FAM135B: variants seen among roughly 807,000 people sequenced by gnomAD.
FAM135B encodes family with sequence similarity 135 member B.
A neutral mutation model predicts 127.7 loss-of-function variants in FAM135B; 43 were observed. The ratio of observed to expected loss-of-function variants is 0.34; its 90% CI spans 0.26 to 0.43. The LOEUF (loss-of-function observed/expected upper bound fraction) is 0.43, where lower values mean the gene tolerates loss of function less well. Ranked by LOEUF, FAM135B falls within the 20% of genes least tolerant of loss-of-function variation. FAM135B has a pLI of 1.00. For synonymous variants in FAM135B, 670 were observed against 665.1 expected (o/e 1.01, Z -0.11); for missense variants, 1,558 against 1,725.6 (o/e 0.90, Z 1.72).
At chr8:138,370,408 T>C (rs1397851331) in intron 1 of FAM135B, among the ~76,000 whole-genome samples, 1 of 152,110 alleles carries the variant, frequency 6.6e-6, no homozygotes, top group Non-Finnish European at 1.5e-5. Context: ...CATAATGCAG[T>C]GAGGAAGATG....
chr8:138,345,831 T>C (rs563854456), intron 2 of FAM135B, among the ~76,000 whole-genome samples: 2 of 152,348 alleles, frequency 1.3e-5, no homozygotes, highest in East Asian at 3.9e-4. Context: ...CTGCCTCAGT[T>C]TCTCCATCTG....
chr8:138,306,247 C>A (rs1826246516), intron 3 of FAM135B, among the ~76,000 whole-genome samples: 1 of 151,812 alleles, frequency 6.6e-6, no homozygotes, highest in African/African-American at 2.4e-5. Flanking sequence ...CCAGCCTGGC[C>A]AACATGGTAA....
At chr8:138,298,951 T>C (rs1825667966) in intron 3 of FAM135B, among the ~76,000 whole-genome samples, 1 of 151,698 alleles carries the variant, frequency 6.6e-6, no homozygotes, top group South Asian at 2.1e-4. Flanking sequence ...TCCCAGCTAC[T>C]CGGGAGGCTG....
intron 11 of FAM135B, among the ~76,000 whole-genome samples, chr8:138,172,616 A>T (rs926554126): frequency 2.0e-5 from 3 of 152,224 alleles, no homozygotes; most frequent in Non-Finnish European, 4.4e-5. Context: ...CAGTGAGGGC[A>T]GAGACCTTGT....
At chr8:138,270,236 T>C (rs1823271723) in intron 3 of FAM135B, among the ~76,000 whole-genome samples, 1 of 152,178 alleles carries the variant, frequency 6.6e-6, no homozygotes, top group South Asian at 2.1e-4. Context: ...TAGGCAACCA[T>C]GGTCTTGATG....
chr8:138,272,981 G>A (rs371409580), intron 3 of FAM135B, among the ~76,000 whole-genome samples: 4 of 152,194 alleles, frequency 2.6e-5, no homozygotes, highest in Non-Finnish European at 5.9e-5. Flanking sequence ...GGATGGAAGA[G>A]CAATACTGTT....
chr8:138,462,935 C>G (rs1208226034), intron 1 of FAM135B, among the ~76,000 whole-genome samples: 3 of 152,164 alleles, frequency 2.0e-5, no homozygotes. Flanking sequence ...CCTCTGTATT[C>G]TCATCCAAAA....
At chr8:138,172,944 T>C (rs138755153) in intron 11 of FAM135B, among the ~76,000 whole-genome samples, 1 of 152,292 alleles carries the variant, frequency 6.6e-6, no homozygotes, top group Non-Finnish European at 1.5e-5. Context: ...AAGCCTGGAA[T>C]GCAGCCTGCA....
intron 5 of FAM135B, among the ~76,000 whole-genome samples, chr8:138,252,370 G>A (rs4909412): frequency 0.023 from 3,483 of 152,274 alleles, 99 homozygotes; most frequent in Admixed American, 0.068. Context: ...CTGATTCACA[G>A]TTGTTTCTGA....
chr8:138,159,573 G>A (rs1819152437), intron 12 of FAM135B, among the ~76,000 whole-genome samples: 1 of 146,602 alleles, frequency 6.8e-6, no homozygotes, highest in Non-Finnish European at 1.5e-5. Flanking sequence ...CTGGACACAG[G>A]GTGGGTAGCA....
intron 4 of FAM135B, among the ~76,000 whole-genome samples, chr8:138,263,257 G>A (rs967788478): frequency 6.6e-6 from 1 of 152,188 alleles, no homozygotes; most frequent in African/African-American, 2.4e-5. Flanking sequence ...CGTACCCGTG[G>A]CTATCAAAAG....
At chr8:138,269,077 G>A (rs1282374278) in intron 3 of FAM135B, among the ~76,000 whole-genome samples, 2 of 152,170 alleles carry the variant, frequency 1.3e-5, no homozygotes, top group South Asian at 2.1e-4. Flanking sequence ...CAAAGAATAC[G>A]TTCCAAACAA....
At chr8:138,316,745 C>T (rs1315872925) in intron 2 of FAM135B, among the ~76,000 whole-genome samples, 1 of 152,052 alleles carries the variant, frequency 6.6e-6, no homozygotes, top group Non-Finnish European at 1.5e-5. Context: ...CTTTGGGAGG[C>T]CAAGGCAGGT....
chr8:138,489,762 C>T (rs916598416), intron 1 of FAM135B, among the ~76,000 whole-genome samples: 4 of 152,166 alleles, frequency 2.6e-5, no homozygotes, highest in Non-Finnish European at 5.9e-5. Flanking sequence ...GCCTGCAATA[C>T]TCTCTCAACC....
chr8:138,420,652 T>C (rs996706250), intron 1 of FAM135B, among the ~76,000 whole-genome samples: 3 of 150,670 alleles, frequency 2.0e-5, no homozygotes, highest in Non-Finnish European at 4.4e-5. Flanking sequence ...CCAAGATCAG[T>C]AGGCTTTTTT....
intron 9 of FAM135B, among the ~76,000 whole-genome samples, chr8:138,186,294 T>C (rs1815567542): frequency 6.6e-6 from 1 of 152,220 alleles, no homozygotes. Flanking sequence ...GTATAACCAA[T>C]GAATAGTCCA....
chr8:138,469,542 C>T (rs1197427609), intron 1 of FAM135B, among the ~76,000 whole-genome samples: 1 of 152,158 alleles, frequency 6.6e-6, no homozygotes, highest in African/African-American at 2.4e-5. Flanking sequence ...AAACAGAAAG[C>T]ATTAAGCTCA....
At chr8:138,265,938 C>T (rs1423232617) in intron 3 of FAM135B, 96 bp from the exon 4 acceptor site, 2 of 1,277,210 alleles carry the variant, frequency 1.6e-6, no homozygotes, top group South Asian at 1.6e-5. Flanking sequence ...AGGCTAATGG[C>T]CCCAAGCTGC....
chr8:138,337,715 A>T (rs1359299268), intron 2 of FAM135B, among the ~76,000 whole-genome samples: 1 of 152,206 alleles, frequency 6.6e-6, no homozygotes, highest in Non-Finnish European at 1.5e-5. Flanking sequence ...TGCCATCCCC[A>T]TCAAGCTACC....
Sources: allele counts gnomAD v4.1 joint callset (sites outside exome capture counted in the v4.1 genomes callset), GRCh38; gene constraint gnomAD v4.1.1; transcripts MANE v1.5; gene names NCBI Gene and HGNC (gene_info 2026-07-23, HGNC 2026-07-21).